PAH: variants seen among roughly 807,000 people sequenced by gnomAD.
PAH encodes phenylalanine hydroxylase.
In PAH, 64 loss-of-function variants were observed where a neutral mutation model predicts 62.0. The ratio of observed to expected loss-of-function variants is 1.03; its 90% CI spans 0.84 to 1.27. The LOEUF (loss-of-function observed/expected upper bound fraction) is 1.27, where lower values mean the gene tolerates loss of function less well. Among genes scored for constraint, PAH ranks in the 50% most tolerant of loss-of-function variants. The pLI, the probability that PAH is intolerant of heterozygous loss-of-function variation, is 0.00. For missense variants in PAH, 579 were observed against 542.8 expected (o/e 1.07, Z -0.66); for synonymous variants, 195 against 196.2 (o/e 0.99, Z 0.05).
chr12:102,852,031 A>G (rs866145672), intron 7 of PAH: 3 of 446,382 alleles, frequency 6.7e-6, no homozygotes, highest in Non-Finnish European at 1.2e-5. Context: ...ACCAGGCAGA[A>G]GAGCTAATAT....
At chr12:102,914,475 G>A (rs1202685353) in intron 1 of PAH, 2 of 152,306 alleles carry the variant, frequency 1.3e-5, no homozygotes, top group Admixed American at 6.5e-5. Flanking sequence ...AGTTAGCAGT[G>A]GAGCCAGGAT....
chr12:102,886,527 G>A (rs1485213594), intron 3 of PAH, among the ~76,000 whole-genome samples: 1 of 152,068 alleles, frequency 6.6e-6, no homozygotes, highest in Non-Finnish European at 1.5e-5. Flanking sequence ...TCTTCTGAGA[G>A]CTCACCATTG....
intron 4 of PAH, among the ~76,000 whole-genome samples, chr12:102,872,992 C>G (rs2136673848): frequency 6.6e-6 from 1 of 152,262 alleles, no homozygotes; most frequent in African/African-American, 2.4e-5. Flanking sequence ...GTTTCAAAGA[C>G]TTGGGTCAAG....
chr12:102,839,328 G>T, intron 12 of PAH, 110 bp from the exon 13 acceptor site: 1 of 1,012,842 alleles, frequency 9.9e-7, no homozygotes. Context: ...GGATGAGCTG[G>T]GTGCCACCCC....
intron 1 of PAH, among the ~76,000 whole-genome samples, chr12:102,938,794 C>T (rs139610090): frequency 3.3e-5 from 5 of 152,162 alleles, no homozygotes; most frequent in African/African-American, 1.2e-4. Flanking sequence ...AGATGCCATA[C>T]AGAAAAGGAG....
At chr12:102,903,734 G>C (rs894206578) in intron 2 of PAH, among the ~76,000 whole-genome samples, 1 of 152,176 alleles carries the variant, frequency 6.6e-6, no homozygotes, top group African/African-American at 2.4e-5. Context: ...TGTTTAGTCT[G>C]AGCCTCTGTG....
intron 2 of PAH, among the ~76,000 whole-genome samples, chr12:102,911,530 G>A (rs1262692567): frequency 6.6e-6 from 1 of 152,140 alleles, no homozygotes; most frequent in Non-Finnish European, 1.5e-5. Context: ...GGCAGAAATA[G>A]CTCCTACCTC....
rs147289850 is a variant in PAH at position 102,912,268 on chromosome 12, A to G, written c.168+523T>C. Among the ~76,000 whole-genome samples the G allele has an allele frequency of 6.4e-3, 974 of 152,308 alleles. 11 individuals carry two copies. The highest frequency in any genetic ancestry group is 6.0e-3 in the Non-Finnish European group (408 of 68,024). ...AAGACATTTACCAATGTCTTGAAGA[A>G]CATTAGCTATTTTCTAAAGCATAGT... is the stretch of plus-strand genomic sequence containing the variant. On this transcript the variant is annotated intron_variant, in intron 2 of 12. Transcript: ENST00000553106.
intron 1 of PAH, among the ~76,000 whole-genome samples, chr12:102,937,296 C>T (rs1013835689): frequency 6.6e-6 from 1 of 152,120 alleles, no homozygotes; most frequent in Admixed American, 6.5e-5. Flanking sequence ...ATTTCTGTTG[C>T]TTATTTTTCT....
At chr12:102,888,835 T>C (rs1340587212) in intron 3 of PAH, among the ~76,000 whole-genome samples, 1 of 152,054 alleles carries the variant, frequency 6.6e-6, no homozygotes, top group Non-Finnish European at 1.5e-5. Flanking sequence ...CAGCCAATCC[T>C]GTGTGTTTTT....
In PAH at chr12:102,852,900, C is replaced by A; in HGVS notation, c.757G>T (p.Asp253Tyr). The change falls in exon 7 of 13, where the codon GAT (aspartate) becomes TAT (tyrosine). Residue 253 changes from aspartate to tyrosine, a missense_variant. Asp to Tyr is a radical substitution (Grantham distance 160). Coordinates refer to ENST00000553106, the MANE Select transcript of PAH (RefSeq NM_000277.3). Reference protein sequence around the residue: ...RPVAGLLSSRDFLGGLAFRVF... With the variant: ...RPVAGLLSSRYFLGGLAFRVF... ...CGGAAGGCCAGGCCACCCAAGAAAT[C>A]CCGAGAGGAAAGCAGGCCAGCCACA... 6.2e-7 allele frequency: 1 copy of A among 1,614,032 alleles called. No individual in the cohort carries two copies. Among genetic ancestry groups the A allele is most frequent in the Non-Finnish European group, 8.5e-7 (1 of 1,180,006 alleles).
intron 3 of PAH, among the ~76,000 whole-genome samples, chr12:102,893,070 T>C (rs1473746639): frequency 1.3e-5 from 2 of 152,262 alleles, no homozygotes; most frequent in Non-Finnish European, 2.9e-5. Context: ...GTACTTTCTG[T>C]GCAGTTTTTC....
chr12:102,895,869 A>AAAAAAAAAAAAAATAT (rs953209518), intron 2 of PAH, among the ~76,000 whole-genome samples: 1 of 118,744 alleles, frequency 8.4e-6, no homozygotes, highest in African/African-American at 3.6e-5. Context: ...AAAAAAAAAA[A>AAAAAAAAAAAAAATAT]ATATATATAT....
chr12:102,896,881 T>C (rs144533183), intron 2 of PAH, among the ~76,000 whole-genome samples: 1 of 152,306 alleles, frequency 6.6e-6, no homozygotes, highest in East Asian at 1.9e-4. Context: ...CAAGGATGAA[T>C]AAGATATTTC....
chr12:102,942,656 CT>C (rs1182261235), intron 1 of PAH, among the ~76,000 whole-genome samples: 1 of 152,158 alleles, frequency 6.6e-6, no homozygotes, highest in African/African-American at 2.4e-5. Context: ...CACTACCCAA[CT>C]TCAAACCATA....
intron 3 of PAH, among the ~76,000 whole-genome samples, chr12:102,889,143 C>G (rs992459170): frequency 6.6e-6 from 1 of 152,128 alleles, no homozygotes; most frequent in Non-Finnish European, 1.5e-5. Flanking sequence ...AAAATCTTGT[C>G]TCCTAAAAAT....
chr12:102,889,530 A>AGATG (rs1330090836), intron 3 of PAH, among the ~76,000 whole-genome samples: 7 of 138,970 alleles, frequency 5.0e-5, no homozygotes, highest in Non-Finnish European at 7.7e-5. Flanking sequence ...ATGGATAGAT[A>AGATG]GACGGATAGA....
chr12:102,879,605 T>TGG (rs3062683), intron 3 of PAH, among the ~76,000 whole-genome samples: 3,104 of 139,154 alleles, frequency 0.022, 34 homozygotes, highest in Middle Eastern at 0.032. Context: ...ATTTTACCTG[T>TGG]GGGGGGGGGG....
At chr12:102,843,543 G>T in intron 11 of PAH, 103 bp downstream of exon 11, 1 of 1,103,554 alleles carries the variant, frequency 9.1e-7, no homozygotes, top group Admixed American at 1.8e-5. Flanking sequence ...GTACAAAGTT[G>T]CTGTAGACAT....
Sources: allele counts gnomAD v4.1 joint callset (sites outside exome capture counted in the v4.1 genomes callset), GRCh38; gene constraint gnomAD v4.1.1; transcripts MANE v1.5; gene names NCBI Gene and HGNC (gene_info 2026-07-23, HGNC 2026-07-21).